LRP1B: variants seen among roughly 807,000 people sequenced by gnomAD.
LRP1B encodes LDL receptor related protein 1B, also known as low-density lipoprotein receptor-related protein 1B.
In LRP1B, 217 loss-of-function variants were observed where a neutral mutation model predicts 556.6. The ratio of observed to expected loss-of-function variants is 0.39; its 90% CI spans 0.35 to 0.44. The LOEUF (loss-of-function observed/expected upper bound fraction) is 0.44. LRP1B is among the 20% of genes least tolerant of loss of function. The pLI, the probability that LRP1B is intolerant of heterozygous loss-of-function variation, is 1.00. For synonymous variants in LRP1B, 2,047 were observed against 1,865.8 expected (o/e 1.10, Z -2.50); for missense variants, 5,053 against 5,620.8 (o/e 0.90, Z 3.23).
At chr2:141,132,229 T>C (rs933975350) in intron 7 of LRP1B, among the ~76,000 whole-genome samples, 2 of 151,960 alleles carry the variant, frequency 1.3e-5, no homozygotes, top group African/African-American at 4.8e-5. Flanking sequence ...TGGGGCCTGA[T>C]GTGAGGTATT....
intron 25 of LRP1B, among the ~76,000 whole-genome samples, chr2:140,876,383 C>T (rs1693305792): frequency 6.6e-6 from 1 of 152,112 alleles, no homozygotes; most frequent in African/African-American, 2.4e-5. Flanking sequence ...GTATTGTTAG[C>T]TTATGGCAAT....
chr2:141,184,590 A>T lies in LRP1B; in HGVS notation c.1013+3831T>A, dbSNP rs538006418. ...GTGCTTCTCCACAGCTATCCACTTC[A>T]TCAAATGTTACATTAAAAAAAAAAA... is the stretch of plus-strand genomic sequence containing the variant. On this transcript the variant is annotated intron_variant, in intron 7 of 90. Coordinates refer to ENST00000389484, the MANE Select transcript of LRP1B (RefSeq NM_018557.3). Among the ~76,000 whole-genome samples, 5 of 150,696 alleles carry T rather than the reference A, an allele frequency of 3.3e-5. No homozygotes were observed. In the South Asian group the frequency reaches 1.1e-3, roughly 32 times the overall value.
chr2:140,746,415 T>G (rs573508577), intron 35 of LRP1B, among the ~76,000 whole-genome samples: 1 of 152,150 alleles, frequency 6.6e-6, no homozygotes, highest in Non-Finnish European at 1.5e-5. Flanking sequence ...CGAATCAAAA[T>G]GTAATTTTGC....
chr2:141,209,880 T>G (rs1228624008), intron 6 of LRP1B, among the ~76,000 whole-genome samples: 1 of 152,158 alleles, frequency 6.6e-6, no homozygotes, highest in Non-Finnish European at 1.5e-5. Flanking sequence ...GAGGGGAAAG[T>G]ATGTTTAGAG....
rs1689814258 is a variant in LRP1B at position 140,784,373 on chromosome 2, C to A, written c.5360-8135G>T. Among the ~76,000 whole-genome samples, 5 of 124,834 alleles carry A rather than the reference C, an allele frequency of 4.0e-5. No individual in the cohort carries two copies. In the East Asian group the frequency reaches 1.2e-3, roughly 30 times the overall value. The allele number at this position is 124,834 out of a possible 152,430, so 81.9% of individuals were successfully genotyped here. Reference sequence around the variant, plus strand: ...AGAAAGAGATAATTGGAGGATTCTGCCTCCACACACACACACACACACACA... The same window carrying A: ...AGAAAGAGATAATTGGAGGATTCTGACTCCACACACACACACACACACACA... On this transcript the variant is annotated intron_variant, in intron 32 of 90. Transcript: ENST00000389484.
At chr2:140,389,028 G>A (rs1518439) in intron 66 of LRP1B, among the ~76,000 whole-genome samples, 12 of 151,708 alleles carry the variant, frequency 7.9e-5, no homozygotes, top group East Asian at 1.9e-4. Context: ...AATATAAAAC[G>A]CTCACAATAT....
chr2:141,643,586 T>C (rs1303013481), intron 2 of LRP1B, among the ~76,000 whole-genome samples: 1 of 152,168 alleles, frequency 6.6e-6, no homozygotes, highest in Non-Finnish European at 1.5e-5. Context: ...TACAAACTAG[T>C]TGAAACGATT....
chr2:140,459,178 A>T (rs1573962735), intron 60 of LRP1B, among the ~76,000 whole-genome samples: 1 of 152,246 alleles, frequency 6.6e-6, no homozygotes, highest in East Asian at 1.9e-4. Context: ...ACTTTACTAT[A>T]ATTAATTATG....
At chr2:140,479,173 T>C (rs1197896228) in intron 59 of LRP1B, among the ~76,000 whole-genome samples, 2 of 152,140 alleles carry the variant, frequency 1.3e-5, no homozygotes, top group African/African-American at 4.8e-5. Flanking sequence ...TAACTTCTGA[T>C]GGCTAGATAT....
chr2:141,853,328 G>A (rs1273338358), intron 1 of LRP1B, among the ~76,000 whole-genome samples: 1 of 151,536 alleles, frequency 6.6e-6, no homozygotes, highest in East Asian at 1.9e-4. Flanking sequence ...TAACGGTTAT[G>A]AAGAATCACG....
chr2:140,490,160 G>T (rs1688640123), intron 57 of LRP1B, among the ~76,000 whole-genome samples: 1 of 152,034 alleles, frequency 6.6e-6, no homozygotes, highest in South Asian at 2.1e-4. Flanking sequence ...CTAAAGACTT[G>T]CACTCTTTGG....
chr2:141,361,192 A>C (rs966888134), intron 3 of LRP1B, among the ~76,000 whole-genome samples: 4 of 152,208 alleles, frequency 2.6e-5, no homozygotes, highest in African/African-American at 9.6e-5. Flanking sequence ...AATCAATGAC[A>C]ACTTTAGCTA....
intron 41 of LRP1B, among the ~76,000 whole-genome samples, chr2:140,607,206 C>T (rs1173516181): frequency 6.6e-6 from 1 of 152,056 alleles, no homozygotes; most frequent in African/African-American, 2.4e-5. Flanking sequence ...CACTATTAGA[C>T]ATCAAAGTAC....
chr2:141,711,036 C>T (rs1481202378), intron 2 of LRP1B, among the ~76,000 whole-genome samples: 1 of 152,168 alleles, frequency 6.6e-6, no homozygotes, highest in Non-Finnish European at 1.5e-5. Flanking sequence ...ATTGCTTCTG[C>T]CAGTGTTCTA....
Position 140,529,431 on chromosome 2 carries a change from A to G in LRP1B, c.7763-3081T>C, listed in dbSNP as rs553886234. ...CAACTCGTAGCAAAGGGAAGCTGAA[A>G]AGGGGGGGGGGAAGCATTAAGTTTG... On this transcript the variant is annotated intron_variant, in intron 47 of 90. Coordinates refer to ENST00000389484, the MANE Select transcript of LRP1B (RefSeq NM_018557.3). Among the ~76,000 whole-genome samples the G allele has an allele frequency of 2.9e-5, 3 of 102,288 alleles. No individual in the cohort carries two copies. The East Asian group carries it at 1.4e-3, about 47-fold the overall frequency. The allele number at this position is 102,288 out of a possible 152,430, so 67.1% of individuals were successfully genotyped here. A position where few individuals can be genotyped will look rare whatever the true frequency, so the allele number is the denominator to read the frequency against.
Position 140,497,023 on chromosome 2 carries a change from A to G in LRP1B, c.8851-1275T>C, listed in dbSNP as rs930456982. ...CCATATTAATAAAAAATCAGGAAACAATTTATGGTTAGAATTATTTTTAAG... is the reference window on the plus strand; with the variant it reads ...CCATATTAATAAAAAATCAGGAAACGATTTATGGTTAGAATTATTTTTAAG... On this transcript the variant is annotated intron_variant, in intron 55 of 90. Transcript: ENST00000389484. Among the ~76,000 whole-genome samples, 8 of 151,674 alleles carry G rather than the reference A, an allele frequency of 5.3e-5. No individual in the cohort carries two copies. The East Asian group carries it at 1.4e-3, about 26-fold the overall frequency.
chr2:141,943,813 G>A (rs1193819198), intron 1 of LRP1B, among the ~76,000 whole-genome samples: 1 of 152,146 alleles, frequency 6.6e-6, no homozygotes, highest in African/African-American at 2.4e-5. Context: ...CATAATGTAG[G>A]AAAATCCGGG....
chr2:141,788,583 C>T (rs1012406706), intron 2 of LRP1B, among the ~76,000 whole-genome samples: 1 of 151,458 alleles, frequency 6.6e-6, no homozygotes, highest in African/African-American at 2.4e-5. Flanking sequence ...GCACAATGTG[C>T]AGGTTAGTTA....
intron 41 of LRP1B, among the ~76,000 whole-genome samples, chr2:140,698,483 A>G (rs1329241575): frequency 6.6e-6 from 1 of 151,972 alleles, no homozygotes; most frequent in Non-Finnish European, 1.5e-5. Flanking sequence ...AAGAAATAAT[A>G]ACAAGAAATC....
Sources: gnomAD v4.1 joint callset for allele counts (sites outside exome capture counted in the v4.1 genomes callset) on GRCh38, gnomAD v4.1.1 for gene constraint, MANE v1.5 for transcripts, NCBI Gene and HGNC (gene_info 2026-07-23, HGNC 2026-07-21) for gene names.